GRID2: variants seen among roughly 807,000 people sequenced by gnomAD.
The protein encoded by GRID2 is glutamate ionotropic receptor delta type subunit 2.
In GRID2, 33 loss-of-function variants were observed where a neutral mutation model predicts 114.8. The ratio of observed to expected loss-of-function variants is 0.29; its 90% CI spans 0.22 to 0.38. The LOEUF (loss-of-function observed/expected upper bound fraction) is 0.38, where lower values mean the gene tolerates loss of function less well. Ranked by LOEUF, GRID2 falls within the 10% of genes least tolerant of loss-of-function variation. The pLI, the probability that GRID2 is intolerant of heterozygous loss-of-function variation, is 1.00. For missense variants in GRID2, 1,184 were observed against 1,257.7 expected (o/e 0.94, Z 0.89); for synonymous variants, 505 against 449.9 (o/e 1.12, Z -1.55).
chr4:92,881,385 A>G (rs1745999948), intron 2 of GRID2, among the ~76,000 whole-genome samples: 2 of 152,168 alleles, frequency 1.3e-5, no homozygotes, highest in Non-Finnish European at 2.9e-5. Flanking sequence ...GTCACTTTCC[A>G]ATACAGAAGC....
At chr4:93,535,208 C>G (rs975663892) in intron 13 of GRID2, among the ~76,000 whole-genome samples, 1 of 143,372 alleles carries the variant, frequency 7.0e-6, no homozygotes, top group Non-Finnish European at 1.5e-5. Flanking sequence ...AAATACATTC[C>G]ATTTTATACA....
intron 4 of GRID2, among the ~76,000 whole-genome samples, chr4:93,183,818 A>G (rs1740137439): frequency 6.6e-6 from 1 of 152,248 alleles, no homozygotes; most frequent in Admixed American, 6.5e-5. Flanking sequence ...TAAGGAAACA[A>G]TAGTTTGAGA....
intron 8 of GRID2, among the ~76,000 whole-genome samples, chr4:93,383,357 G>T (rs904144157): frequency 9.2e-5 from 14 of 152,252 alleles, no homozygotes; most frequent in African/African-American, 2.9e-4. Context: ...AGTTGCTCCT[G>T]AAACATATTC....
At chr4:93,745,671 T>G (rs1731782511) in intron 14 of GRID2, among the ~76,000 whole-genome samples, 1 of 152,138 alleles carries the variant, frequency 6.6e-6, no homozygotes, top group Non-Finnish European at 1.5e-5. Context: ...AGTGTGAGCT[T>G]CTCTTTCGTA....
chr4:92,441,999 A>C (rs1282429434), intron 1 of GRID2, among the ~76,000 whole-genome samples: 1 of 151,760 alleles, frequency 6.6e-6, no homozygotes, highest in Non-Finnish European at 1.5e-5. Flanking sequence ...GTATTGTCTA[A>C]GTTGGCACCA....
rs975540412 is a variant in GRID2 at position 92,374,221 on chromosome 4, T to G, written c.88+69477T>G. Reference sequence around the variant, plus strand: ...CTGATAAGAAACATTTTACAACTTATTCTCTTTAAAGCCTAGTACCTAAAG... The same window carrying G: ...CTGATAAGAAACATTTTACAACTTAGTCTCTTTAAAGCCTAGTACCTAAAG... On this transcript the variant is annotated intron_variant, in intron 1 of 15. Transcript: ENST00000282020. 2.6e-5 allele frequency among the ~76,000 whole-genome samples: 4 copies of G among 152,158 alleles called. No homozygotes were observed. In the East Asian group the frequency reaches 7.7e-4, roughly 29 times the overall value.
chr4:92,761,920 G>T (rs1242478089), intron 2 of GRID2, among the ~76,000 whole-genome samples: 1 of 152,062 alleles, frequency 6.6e-6, no homozygotes, highest in Non-Finnish European at 1.5e-5. Context: ...GTGTTAAGTT[G>T]TTTTTTATTT....
intron 5 of GRID2, among the ~76,000 whole-genome samples, chr4:93,214,103 A>G (rs1234049021): frequency 3.3e-5 from 5 of 152,062 alleles, no homozygotes; most frequent in African/African-American, 4.8e-5. Flanking sequence ...GGTTCTTTAA[A>G]TTACTTAGAG....
At chr4:92,676,817 T>C (rs1733398013) in intron 2 of GRID2, among the ~76,000 whole-genome samples, 1 of 152,176 alleles carries the variant, frequency 6.6e-6, no homozygotes, top group African/African-American at 2.4e-5. Flanking sequence ...TAGATGCTTA[T>C]ACACCTGTGT....
intron 2 of GRID2, among the ~76,000 whole-genome samples, chr4:92,968,366 A>G (rs527567792): frequency 2.0e-5 from 3 of 152,036 alleles, no homozygotes; most frequent in East Asian, 1.9e-4. Flanking sequence ...CAAGTCATCA[A>G]TTTTACTATT....
intron 2 of GRID2, among the ~76,000 whole-genome samples, chr4:92,886,491 G>A (rs1317558395): frequency 1.3e-5 from 2 of 151,934 alleles, no homozygotes; most frequent in Non-Finnish European, 2.9e-5. Context: ...ATGAAATGAG[G>A]TATGCCTCTC....
chr4:92,759,004 T>G (rs1033738089), intron 2 of GRID2, among the ~76,000 whole-genome samples: 4 of 152,186 alleles, frequency 2.6e-5, no homozygotes, highest in East Asian at 1.9e-4. Flanking sequence ...TTTTAAAAAG[T>G]TTAACTTTTA....
intron 13 of GRID2, among the ~76,000 whole-genome samples, chr4:93,583,485 A>C (rs1737194460): frequency 6.6e-6 from 1 of 152,138 alleles, no homozygotes; most frequent in Non-Finnish European, 1.5e-5. Context: ...AAGAAAGATA[A>C]CAATGATTCT....
At chr4:92,412,872 T>C (rs1266388891) in intron 1 of GRID2, among the ~76,000 whole-genome samples, 2 of 152,210 alleles carry the variant, frequency 1.3e-5, no homozygotes, top group East Asian at 3.8e-4. Context: ...ACACATCCTA[T>C]GTGACCTCCA....
At chr4:93,433,389 T>A (rs1221609847) in intron 10 of GRID2, among the ~76,000 whole-genome samples, 1 of 152,124 alleles carries the variant, frequency 6.6e-6, no homozygotes, top group Admixed American at 6.6e-5. Flanking sequence ...AGAAAGCACA[T>A]GTAATTGACA....
chr4:93,159,848 T>C (rs961153197), intron 4 of GRID2, among the ~76,000 whole-genome samples: 1 of 151,720 alleles, frequency 6.6e-6, no homozygotes, highest in African/African-American at 2.4e-5. Context: ...GGTAGGATAA[T>C]TGTACAAAAC....
At chr4:93,562,870 C>T (rs1055009708) in intron 13 of GRID2, among the ~76,000 whole-genome samples, 4 of 151,988 alleles carry the variant, frequency 2.6e-5, no homozygotes, top group Admixed American at 6.6e-5. Flanking sequence ...TCTGGGCTCT[C>T]TATTCTGTTC....
chr4:92,658,808 T>C lies in GRID2; in HGVS notation c.244+68522T>C, dbSNP rs1315456537. 2.3e-5 allele frequency among the ~76,000 whole-genome samples: 3 copies of C among 131,692 alleles called. 1 individual carries two copies. In the South Asian group the frequency reaches 8.5e-4, roughly 37 times the overall value. The allele number at this position is 131,692 out of a possible 152,430, so 86.4% of individuals were successfully genotyped here. ...GTGTGTGTGTGTATATATATATATA[T>C]ATATATATATACACACACACAATCA... is the stretch of plus-strand genomic sequence containing the variant. On this transcript the variant is annotated intron_variant, in intron 2 of 15. Transcript: ENST00000282020.
intron 2 of GRID2, among the ~76,000 whole-genome samples, chr4:93,032,674 G>C (rs1724544904): frequency 6.6e-6 from 1 of 152,158 alleles, no homozygotes; most frequent in South Asian, 2.1e-4. Context: ...TGTTTTTGCA[G>C]ATACAGTCAC....
Sources: allele counts gnomAD v4.1 joint callset (sites outside exome capture counted in the v4.1 genomes callset), GRCh38; gene constraint gnomAD v4.1.1; transcripts MANE v1.5; gene names NCBI Gene and HGNC (gene_info 2026-07-23, HGNC 2026-07-21).